Variants in IL17B observed in about 807,000 individuals in gnomAD.
The protein encoded by IL17B is interleukin-17B.
IL17B carries 14 observed loss-of-function variants against 14.7 expected under a neutral mutation model. The observed-to-expected ratio is 0.95, with a 90% CI of 0.63 to 1.49. IL17B has a LOEUF of 1.49. Among genes scored for constraint, IL17B ranks in the 40% most tolerant of loss-of-function variants. The pLI is 0.00. For synonymous variants in IL17B, 105 were observed against 94.8 expected, an observed-to-expected ratio of 1.11 and a Z score of -0.62; for missense variants, 233 against 252.8, an observed-to-expected ratio of 0.92 and a Z score of 0.53.
chr5:149,375,510 G>A (rs182376931), intron 2 of IL17B, among the ~76,000 whole-genome samples: 93 of 152,310 alleles, frequency 6.1e-4, no homozygotes, highest in African/African-American at 1.5e-3. Flanking sequence ...GAAAAGCTCC[G>A]TTCTGGAGGA....
chr5:149,394,465 T>C (rs562712507), intron 1 of IL17B, among the ~76,000 whole-genome samples: 4 of 152,378 alleles, frequency 2.6e-5, no homozygotes, highest in African/African-American at 9.6e-5. Context: ...GAAGTTTCAA[T>C]GCTTTTACAT....
upstream of IL17B, among the ~76,000 whole-genome samples, chr5:149,382,580 G>A (rs950324247): frequency 2.7e-4 from 41 of 152,236 alleles, no homozygotes; most frequent in African/African-American, 4.1e-4. Flanking sequence ...GAGGCTCAGC[G>A]TGGTTAACCA....
intron 1 of IL17B, among the ~76,000 whole-genome samples, chr5:149,400,432 C>T (rs986683324): frequency 2.0e-5 from 3 of 152,184 alleles, no homozygotes; most frequent in African/African-American, 7.2e-5. Flanking sequence ...GAGATAAATT[C>T]CCATCATTTA....
chr5:149,393,554 C>T (rs1257284008), intron 1 of IL17B, among the ~76,000 whole-genome samples: 2 of 152,194 alleles, frequency 1.3e-5, no homozygotes, highest in Non-Finnish European at 2.9e-5. Context: ...CCGAAACCCT[C>T]GTTTCACTGA....
At chr5:149,378,965 C>T (rs368115710) in intron 1 of IL17B, among the ~76,000 whole-genome samples, 45 of 152,298 alleles carry the variant, frequency 3.0e-4, no homozygotes, top group Middle Eastern at 6.8e-3. Context: ...TCTCCCCAGA[C>T]GCCTCTGGTC....
chr5:149,395,861 T>C (rs1204637805), intron 1 of IL17B, among the ~76,000 whole-genome samples: 1 of 152,112 alleles, frequency 6.6e-6, no homozygotes, highest in Non-Finnish European at 1.5e-5. Context: ...TTACTACAGA[T>C]GGGGTTTCAC....
At chr5:149,377,568 C>T (rs1561710620) in intron 1 of IL17B, among the ~76,000 whole-genome samples, 1 of 152,200 alleles carries the variant, frequency 6.6e-6, no homozygotes, top group Non-Finnish European at 1.5e-5. Context: ...CTGTCCCCAT[C>T]GCTGCCCTTC....
intron 1 of IL17B, 94 bp downstream of exon 1, chr5:149,379,111 C>T: frequency 6.7e-7 from 1 of 1,494,128 alleles, no homozygotes. Context: ...GATTCTAAAC[C>T]AAACAGAGGC....
chr5:149,403,291 G>C (rs929268609), intron 1 of IL17B, among the ~76,000 whole-genome samples: 1 of 151,920 alleles, frequency 6.6e-6, no homozygotes, highest in African/African-American at 2.4e-5. Flanking sequence ...TCACCGTGTT[G>C]CCCAGGATGG....
intron 1 of IL17B, among the ~76,000 whole-genome samples, chr5:149,387,903 A>G (rs545471459): frequency 2.0e-5 from 3 of 152,212 alleles, no homozygotes; most frequent in African/African-American, 7.2e-5. Context: ...TACAGTGAGG[A>G]GAAAAGGGAC....
chr5:149,396,307 A>G (rs1363759708), intron 1 of IL17B, among the ~76,000 whole-genome samples: 1 of 152,256 alleles, frequency 6.6e-6, no homozygotes, highest in Non-Finnish European at 1.5e-5. Flanking sequence ...TTTCAGACCT[A>G]ACAGGGACAT....
chr5:149,398,831 G>A (rs78101762), intron 1 of IL17B, among the ~76,000 whole-genome samples: 8,230 of 152,262 alleles, frequency 0.054, 633 homozygotes, highest in African/African-American at 0.17. Flanking sequence ...TCTTGAACCA[G>A]GGAGGCAGAG....
In IL17B at chr5:149,379,275, A is replaced by G. The variant is rs1334757017; in HGVS notation, c.-50T>C. 2.5e-6 allele frequency: 4 copies of G among 1,609,218 alleles called. No homozygotes were observed. The highest frequency in any genetic ancestry group is 1.1e-5 in the South Asian group (1 of 90,968). On this transcript the variant is annotated 5_prime_UTR_variant, in exon 1 of 3. Transcript: ENST00000261796. ...GCAGCTGCTGCCCGCCTGGAACCCC[A>G]GATGCCGCCGAGAGAATGGCAGCAA... is the stretch of plus-strand genomic sequence containing the variant.
chr5:149,387,866 A>G (rs967265014), intron 1 of IL17B, among the ~76,000 whole-genome samples: 2 of 151,960 alleles, frequency 1.3e-5, no homozygotes, highest in African/African-American at 2.4e-5. Context: ...GAATGTAAGT[A>G]TTTTACAGAA....
intron 1 of IL17B, among the ~76,000 whole-genome samples, chr5:149,389,047 T>TA (rs2127620511): frequency 6.6e-6 from 1 of 152,316 alleles, no homozygotes; most frequent in Admixed American, 6.5e-5. Context: ...TGTCGGCTGA[T>TA]AGGAAGTTGG....
In IL17B at chr5:149,374,883, T is replaced by C; in HGVS notation, c.312-283A>G. ...TGCCCATCCCAGTACTAGGTTGCGC[T>C]GTGGGGATTGTGGAGTAGCCCTCTA... is the stretch of plus-strand genomic sequence containing the variant. On this transcript the variant is annotated intron_variant, in intron 2 of 2. Coordinates refer to ENST00000261796, the MANE Select transcript of IL17B (RefSeq NM_014443.3). This position sits in a 1 kb window ranked among gnomAD's most constrained non-coding sequence, Gnocchi z 5.0. 2.8e-6 allele frequency: 1 copy of C among 357,670 alleles called. No individual in the cohort carries two copies. The highest frequency in any genetic ancestry group is 5.2e-6 in the Non-Finnish European group (1 of 193,624). 22.2% of individuals were successfully genotyped at this position (357,670 alleles called of 1,614,324 possible).
chr5:149,377,064 A>C (rs778090754), intron 1 of IL17B, 39 bp from the exon 2 acceptor site: 30 of 1,502,830 alleles, frequency 2.0e-5, no homozygotes, highest in Non-Finnish European at 2.3e-5. Context: ...GGGAGAGCCA[A>C]GTCTCTATCT....
At chr5:149,382,457 C>G (rs1241520083), upstream of IL17B, among the ~76,000 whole-genome samples, 1 of 152,242 alleles carries the variant, frequency 6.6e-6, no homozygotes, top group Non-Finnish European at 1.5e-5. Context: ...ATAATAGCTG[C>G]TACTTAATAT....
intron 1 of IL17B, among the ~76,000 whole-genome samples, chr5:149,378,862 C>G (rs1418736384): frequency 6.6e-6 from 1 of 152,220 alleles, no homozygotes; most frequent in Non-Finnish European, 1.5e-5. Context: ...AGATGGGACA[C>G]TGAGAAACAG....
Sources: gnomAD v4.1 joint callset for allele counts (sites outside exome capture counted in the v4.1 genomes callset) on GRCh38, gnomAD v4.1.1 for gene constraint, Gnocchi (gnomAD v3.1) non-coding constraint, MANE v1.5 for transcripts, NCBI Gene and HGNC (gene_info 2026-07-23, HGNC 2026-07-21) for gene names.